Variants in WSCD2 observed in about 807,000 individuals in gnomAD.
The protein encoded by WSCD2 is WSC domain sialate O sulfotransferase 2.
Under a neutral mutation model 55.7 loss-of-function variants are expected in WSCD2, and 28 were observed. That is an observed-to-expected ratio of 0.50 (90% CI 0.37 to 0.69). The LOEUF is 0.69. Ranked by LOEUF, WSCD2 falls within the 30% of genes least tolerant of loss-of-function variation. WSCD2 has a pLI of 0.00. For missense variants in WSCD2, 616 were observed against 762.1 expected (o/e 0.81, Z 2.26); for synonymous variants, 301 against 301.9 (o/e 1.00, Z 0.03).
At position 108,129,294 on chromosome 12, in the gene WSCD2, C is replaced by T. The variant is rs1432840309; in HGVS notation, c.-1184C>T. On this transcript the variant is annotated 5_prime_UTR_variant, in exon 1 of 9. Transcript: ENST00000547525. ...GCGAGGAGCGCGCCGGGCTGAGGCG[C>T]GCTGCTGGTGGCGGCGGCGGCAGCG... 2.0e-5 allele frequency among the ~76,000 whole-genome samples: 3 copies of T among 152,134 alleles called. No individual in the cohort carries two copies. The highest frequency in any genetic ancestry group is 3.9e-4 in the East Asian group (2 of 5,174).
intron 3 of WSCD2, among the ~76,000 whole-genome samples, chr12:108,206,628 ACT>A (rs1340934809): frequency 3.3e-5 from 5 of 152,228 alleles, no homozygotes; most frequent in African/African-American, 1.2e-4. Flanking sequence ...TGGTTGTGCA[ACT>A]GTGTCATATT....
intron 1 of WSCD2, among the ~76,000 whole-genome samples, chr12:108,168,032 T>G (rs1185065306): frequency 1.3e-5 from 2 of 152,234 alleles, no homozygotes; most frequent in African/African-American, 4.8e-5. Flanking sequence ...CATTAGAAAC[T>G]CAGCAATGGA....
rs1163027614 is a variant in WSCD2 at position 108,227,151 on chromosome 12, G to C, written c.966G>C (p.Gln322His). ...CGTPSYFIVY[Q>H]TQVQDNRCMD... ...CTCCTAGTTACTTCATTGTGTACCA[G>C]ACACAAGTCCAAGGTGAGCTAGGCC... The change falls in exon 6 of 9, where the codon CAG (glutamine) becomes CAC (histidine). Residue 322 changes from glutamine to histidine, a missense_variant. This residue lies in a region of WSCD2 where 374 missense variants were observed against 467.4 expected (regional missense o/e 0.80). Transcript: ENST00000547525. 1.2e-6 allele frequency: 2 copies of C among 1,613,548 alleles called. No homozygotes were observed. Among genetic ancestry groups the C allele is most frequent in the Admixed American group, 1.7e-5 (1 of 59,946 alleles).
At chr12:108,145,466 C>T (rs1877288468) in intron 1 of WSCD2, among the ~76,000 whole-genome samples, 1 of 152,204 alleles carries the variant, frequency 6.6e-6, no homozygotes, top group African/African-American at 2.4e-5. Context: ...TCCAAGCCTG[C>T]CACATATGTA....
intron 1 of WSCD2, among the ~76,000 whole-genome samples, chr12:108,143,719 A>G (rs555530832): frequency 6.6e-6 from 1 of 152,324 alleles, no homozygotes; most frequent in African/African-American, 2.4e-5. Context: ...GGCACTCCAC[A>G]TCCTGAAGAC....
chr12:108,248,143 G>A lies in WSCD2; in HGVS notation c.1498G>A (p.Val500Met), dbSNP rs41314115. The change falls in exon 9 of 9, where the codon GTG becomes ATG. Residue 500 changes from valine to methionine, a missense_variant. Transcript: ENST00000547525. The surrounding 1 kb of genome is among the most constrained non-coding windows in gnomAD (Gnocchi z 4.3). ...QLGRMVSLLG[V>M]AVREDRLLCV... ...GGGCCGGATGGTCAGCCTGCTGGGC[G>A]TGGCTGTCAGGGAGGACCGGCTGCT... is the stretch of plus-strand genomic sequence containing the variant. 1.8e-4 allele frequency: 294 copies of A among 1,614,092 alleles called. 1 individual carries two copies. In the East Asian group the frequency reaches 4.3e-3, roughly 23 times the overall value.
At chr12:108,204,675 C>T (rs1304007329) in intron 2 of WSCD2, among the ~76,000 whole-genome samples, 32 of 152,228 alleles carry the variant, frequency 2.1e-4, no homozygotes, top group Admixed American at 2.1e-3. Flanking sequence ...GATGATGCTT[C>T]TTTTAAAGAT....
intron 1 of WSCD2, among the ~76,000 whole-genome samples, chr12:108,193,787 T>C (rs1883527301): frequency 1.3e-5 from 2 of 152,210 alleles, no homozygotes; most frequent in African/African-American, 4.8e-5. Flanking sequence ...GATGGACAGA[T>C]AGTTTGACTT....
At chr12:108,163,699 A>C (rs1245025634) in intron 1 of WSCD2, among the ~76,000 whole-genome samples, 11 of 152,136 alleles carry the variant, frequency 7.2e-5, no homozygotes, top group Non-Finnish European at 4.4e-5. Context: ...TGCAGGCAGG[A>C]AGGGGAGGGG....
At position 108,227,102 on chromosome 12, in the gene WSCD2, C is replaced by T. The variant is rs774657315; in HGVS notation, c.917C>T (p.Ala306Val). 18 of 1,614,082 alleles carry T rather than the reference C, an allele frequency of 1.1e-5. No homozygotes were observed. The highest frequency in any genetic ancestry group is 4.0e-5 in the African/African-American group (3 of 74,950). Residue 306 changes from alanine to valine, a missense_variant, in exon 6 of 9, where the codon GCG becomes GTG. By Grantham distance (64) the Ala-to-Val change is moderately conservative (BLOSUM62 0). Transcript: ENST00000547525. ...CAGCTCTGTGCCCAGAAGTGCAGCG[C>T]GGAGGAGTTTGAGAGCTGCGGGACT... ...DEQLCAQKCS[A>V]EEFESCGTPS...
intron 6 of WSCD2, among the ~76,000 whole-genome samples, chr12:108,230,552 C>T (rs1291229150): frequency 6.6e-6 from 1 of 152,184 alleles, no homozygotes. Context: ...TCCGACAGAT[C>T]ATTTTTTTCC....
intron 4 of WSCD2, among the ~76,000 whole-genome samples, chr12:108,212,037 C>G (rs1886258238): frequency 6.6e-6 from 1 of 152,124 alleles, no homozygotes; most frequent in African/African-American, 2.4e-5. Flanking sequence ...AATTTGCAAA[C>G]TGGCTGGTTT....
chr12:108,183,494 G>C (rs1027989438), intron 1 of WSCD2, among the ~76,000 whole-genome samples: 1 of 152,148 alleles, frequency 6.6e-6, no homozygotes, highest in Non-Finnish European at 1.5e-5. Context: ...TCTGTGGTAC[G>C]ATGGTGTCCA....
intron 4 of WSCD2, among the ~76,000 whole-genome samples, chr12:108,215,805 A>G (rs954401906): frequency 2.0e-5 from 3 of 152,186 alleles, no homozygotes; most frequent in African/African-American, 7.2e-5. Context: ...ATTTTTGTGA[A>G]GCTCCAGAAC....
At chr12:108,231,459 C>T (rs1460333398) in intron 6 of WSCD2, among the ~76,000 whole-genome samples, 1 of 152,218 alleles carries the variant, frequency 6.6e-6, no homozygotes, top group Admixed American at 6.5e-5. Context: ...ATTCTGCAGG[C>T]TCTGAAAAGC....
At chr12:108,165,427 T>C (rs1242318110) in intron 1 of WSCD2, among the ~76,000 whole-genome samples, 2 of 152,238 alleles carry the variant, frequency 1.3e-5, no homozygotes, top group Non-Finnish European at 2.9e-5. Context: ...AGACAGGGTC[T>C]TGCTATGTTT....
chr12:108,165,539 A>G (rs1407007529), intron 1 of WSCD2, among the ~76,000 whole-genome samples: 1 of 152,136 alleles, frequency 6.6e-6, no homozygotes, highest in East Asian at 1.9e-4. Flanking sequence ...TCTACTCAGC[A>G]TTTTGTCTTC....
chr12:108,225,494 T>C (rs1422849726), intron 5 of WSCD2, among the ~76,000 whole-genome samples: 1 of 152,156 alleles, frequency 6.6e-6, no homozygotes, highest in East Asian at 1.9e-4. Context: ...ACATTTGAAC[T>C]GGGCCTAGAA....
chr12:108,245,783 A>C (rs574501769), intron 8 of WSCD2, among the ~76,000 whole-genome samples: 37 of 152,348 alleles, frequency 2.4e-4, no homozygotes, highest in African/African-American at 8.4e-4. Flanking sequence ...ACTCAGATAC[A>C]TCTGGTCTTA....
Sources: gnomAD v4.1 joint callset for allele counts (sites outside exome capture counted in the v4.1 genomes callset) on GRCh38, gnomAD v4.1.1 for gene constraint, gnomAD v4.1.1 regional missense constraint, Gnocchi (gnomAD v3.1) non-coding constraint, MANE v1.5 for transcripts, NCBI Gene and HGNC (gene_info 2026-07-23, HGNC 2026-07-21) for gene names.